The following PDLIM5 variants were observed in gnomAD, a reference collection of about 807,000 sequenced individuals.
PDLIM5 encodes the protein PDZ and LIM domain protein 5.
PDLIM5 carries 34 observed loss-of-function variants against 64.2 expected under a neutral mutation model. That is an observed-to-expected ratio of 0.53 (90% confidence interval 0.40 to 0.71). The LOEUF is 0.71. Ranked by LOEUF, PDLIM5 falls within the 30% of genes least tolerant of loss-of-function variation. The pLI is 0.00. For synonymous variants in PDLIM5, 253 were observed against 269.1 expected, an observed-to-expected ratio of 0.94 and a Z score of 0.59; for missense variants, 683 against 733.6, an observed-to-expected ratio of 0.93 and a Z score of 0.80.
intron 8 of PDLIM5, among the ~76,000 whole-genome samples, chr4:94,624,818 G>A (rs958813622): frequency 2.0e-5 from 3 of 152,178 alleles, no homozygotes; most frequent in African/African-American, 7.2e-5. Flanking sequence ...TGCATTAATG[G>A]GGGTTTTGAA....
intron 7 of PDLIM5, among the ~76,000 whole-genome samples, chr4:94,614,905 G>C (rs371723995): frequency 6.6e-6 from 1 of 152,314 alleles, no homozygotes; most frequent in East Asian, 1.9e-4. Flanking sequence ...GCACCCAAGT[G>C]ATCCATAGTA....
chr4:94,562,328 A>G (rs540595322), intron 3 of PDLIM5, among the ~76,000 whole-genome samples: 1 of 152,330 alleles, frequency 6.6e-6, no homozygotes, highest in South Asian at 2.1e-4. Context: ...TAAAAATAAT[A>G]TATTTTAATA....
At chr4:94,492,838 G>A (rs1726994839) in intron 2 of PDLIM5, among the ~76,000 whole-genome samples, 1 of 152,132 alleles carries the variant, frequency 6.6e-6, no homozygotes, top group Non-Finnish European at 1.5e-5. Context: ...GAACATTTGT[G>A]CACAAATTTT....
intron 2 of PDLIM5, among the ~76,000 whole-genome samples, chr4:94,508,516 G>T (rs1011839859): frequency 1.3e-5 from 2 of 152,132 alleles, no homozygotes; most frequent in African/African-American, 4.8e-5. Context: ...GTTGCCATAC[G>T]TCCTGGGGCT....
intron 2 of PDLIM5, among the ~76,000 whole-genome samples, chr4:94,479,846 A>T (rs940866242): frequency 1.1e-4 from 17 of 152,016 alleles, no homozygotes; most frequent in Non-Finnish European, 8.8e-5. Flanking sequence ...TGATTTTTTA[A>T]TCTTGGCAGA....
chr4:94,639,109 G>A (rs964766308), intron 8 of PDLIM5, among the ~76,000 whole-genome samples: 1 of 152,128 alleles, frequency 6.6e-6, no homozygotes, highest in African/African-American at 2.4e-5. Context: ...TGGTTACTAG[G>A]TAAATAGGAA....
chr4:94,657,123 A>G (rs546247467), intron 10 of PDLIM5, among the ~76,000 whole-genome samples: 77 of 152,312 alleles, frequency 5.1e-4, no homozygotes, highest in African/African-American at 1.8e-3. Context: ...TGTAGCAAGC[A>G]TTTATGAAAT....
chr4:94,603,697 G>A (rs555490754), intron 7 of PDLIM5, among the ~76,000 whole-genome samples: 2 of 152,300 alleles, frequency 1.3e-5, no homozygotes, highest in South Asian at 2.1e-4. Context: ...GCACGCGCGC[G>A]TGTGTGAGTG....
chr4:94,565,650 C>G (rs1448088740), intron 3 of PDLIM5, among the ~76,000 whole-genome samples: 1 of 152,152 alleles, frequency 6.6e-6, no homozygotes, highest in Non-Finnish European at 1.5e-5. Context: ...AAGGTATTCA[C>G]TAAGGAACCT....
intron 3 of PDLIM5, among the ~76,000 whole-genome samples, chr4:94,528,900 C>A (rs1283967184): frequency 6.6e-6 from 1 of 152,196 alleles, no homozygotes; most frequent in East Asian, 1.9e-4. Context: ...CTATTTTAAA[C>A]TGCAGTTTCC....
At chr4:94,468,336 T>A (rs1359960626) in intron 2 of PDLIM5, among the ~76,000 whole-genome samples, 1 of 152,180 alleles carries the variant, frequency 6.6e-6, no homozygotes, top group Non-Finnish European at 1.5e-5. Flanking sequence ...ACATTTTTTG[T>A]AGAGATGAGC....
intron 3 of PDLIM5, among the ~76,000 whole-genome samples, chr4:94,540,226 G>A (rs1447922065): frequency 6.6e-6 from 1 of 151,426 alleles, no homozygotes; most frequent in Admixed American, 6.6e-5. Context: ...TGCCTCCCGG[G>A]TTCACACGCC....
At chr4:94,563,962 T>C (rs1339714259) in intron 3 of PDLIM5, among the ~76,000 whole-genome samples, 5 of 148,668 alleles carry the variant, frequency 3.4e-5, no homozygotes, top group Non-Finnish European at 6.0e-5. Flanking sequence ...TTCTTTCTTT[T>C]TTTTTTTTTT....
At chr4:94,565,676 T>A (rs1423357451) in intron 3 of PDLIM5, among the ~76,000 whole-genome samples, 2 of 152,202 alleles carry the variant, frequency 1.3e-5, no homozygotes, top group East Asian at 3.8e-4. Context: ...CCCATCCTGC[T>A]GAAAAATGAA....
chr4:94,456,260 G>A (rs11932136), intron 2 of PDLIM5: 5,237 of 479,184 alleles, frequency 0.011, 170 homozygotes, highest in African/African-American at 0.079. Flanking sequence ...GTGCAGTGGC[G>A]CAATCTCGGC....
At chr4:94,537,311 G>A (rs1383879355) in intron 3 of PDLIM5, among the ~76,000 whole-genome samples, 1 of 152,110 alleles carries the variant, frequency 6.6e-6, no homozygotes, top group Non-Finnish European at 1.5e-5. Flanking sequence ...ATGAATGTGA[G>A]GGACTTTCCA....
Position 94,491,389 on chromosome 4 carries a change from G to A in PDLIM5, c.97-32335G>A, listed in dbSNP as rs183150038. ...ATTATAGAACCTTTTACTATTTCCAGTTCTATTTAAATCCTGGGACAGTTT... is the reference window on the plus strand; with the variant it reads ...ATTATAGAACCTTTTACTATTTCCAATTCTATTTAAATCCTGGGACAGTTT... On this transcript the variant is annotated intron_variant, in intron 2 of 12. Coordinates refer to ENST00000317968, the MANE Select transcript of PDLIM5 (RefSeq NM_006457.5). 4.7e-4 allele frequency among the ~76,000 whole-genome samples: 71 copies of A among 152,142 alleles called. 1 individual carries two copies. The highest frequency in any genetic ancestry group is 1.4e-3 in the African/African-American group (60 of 41,526).
intron 8 of PDLIM5, among the ~76,000 whole-genome samples, chr4:94,638,421 C>G (rs1044497221): frequency 6.6e-6 from 1 of 152,182 alleles, no homozygotes; most frequent in African/African-American, 2.4e-5. Flanking sequence ...TTTCACAGAT[C>G]GAGTGCCAGG....
At chr4:94,592,294 T>C (rs1736728264) in intron 7 of PDLIM5, among the ~76,000 whole-genome samples, 1 of 152,248 alleles carries the variant, frequency 6.6e-6, no homozygotes, top group Non-Finnish European at 1.5e-5. Flanking sequence ...TAAAATATTA[T>C]GATTTTGCAT....
Sources: gnomAD v4.1 joint callset for allele counts (sites outside exome capture counted in the v4.1 genomes callset) on GRCh38, gnomAD v4.1.1 for gene constraint, MANE v1.5 for transcripts, NCBI Gene and HGNC (gene_info 2026-07-23, HGNC 2026-07-21) for gene names.